Variants in DLG4 observed in about 807,000 individuals in gnomAD.
DLG4 encodes the protein discs large MAGUK scaffold protein 4.
Under a neutral mutation model 93.8 loss-of-function variants are expected in DLG4, and 7 were observed. The observed-to-expected ratio is 0.07, with a 90% CI of 0.04 to 0.14. The LOEUF (loss-of-function observed/expected upper bound fraction) is 0.14, where lower values mean the gene tolerates loss of function less well. Ranked by LOEUF, DLG4 falls within the 10% of genes least tolerant of loss-of-function variation. DLG4 has a pLI of 1.00. For synonymous variants in DLG4, 341 were observed against 387.6 expected (o/e 0.88, Z 1.41); for missense variants, 545 against 992.9 (o/e 0.55, Z 6.06).
At chr17:7,218,288 C>T (rs2142949429), upstream of DLG4, 1 of 1,608,116 alleles carries the variant, frequency 6.2e-7, no homozygotes, top group Non-Finnish European at 8.5e-7. Flanking sequence ...ATGTCTGTCA[C>T]AGGAACAGAA....
At chr17:7,216,643 A>AC (rs1567554495) in intron 1 of DLG4, among the ~76,000 whole-genome samples, 1 of 151,422 alleles carries the variant, frequency 6.6e-6, no homozygotes, top group South Asian at 2.1e-4. Context: ...GCCAGCTGAC[A>AC]CCCCCAGATC....
chr17:7,212,393 C>T (rs1428876517), intron 1 of DLG4, among the ~76,000 whole-genome samples: 1 of 152,212 alleles, frequency 6.6e-6, no homozygotes, highest in African/African-American at 2.4e-5. Context: ...TTCTATATCA[C>T]ATCTATCTCC....
Position 7,203,097 on chromosome 17 carries a change from C to T in DLG4, c.643-50G>A. ...AGACAAAGCCACAAATGGCCCAAGA[C>T]AGAAGCACTGGGGTGAAGTGATGAA... On this transcript the variant is annotated intron_variant, in intron 7 of 19. Coordinates refer to ENST00000399506, the MANE Select transcript of DLG4 (RefSeq NM_001321075.3). The surrounding 1 kb of genome is among the most constrained non-coding windows in gnomAD (Gnocchi z 7.2). 2 of 1,581,448 alleles carry T rather than the reference C, an allele frequency of 1.3e-6. No individual in the cohort carries two copies. Among genetic ancestry groups the T allele is most frequent in the Non-Finnish European group, 1.7e-6 (2 of 1,157,004 alleles).
chr17:7,212,329 A>C (rs956913267), intron 1 of DLG4, among the ~76,000 whole-genome samples: 1 of 152,254 alleles, frequency 6.6e-6, no homozygotes, highest in Non-Finnish European at 1.5e-5. Flanking sequence ...CAAGAGTTTA[A>C]GGAACCACAG....
intron 2 of DLG4, among the ~76,000 whole-genome samples, chr17:7,206,447 A>G (rs1379958022): frequency 6.7e-6 from 1 of 149,168 alleles, no homozygotes; most frequent in Admixed American, 6.7e-5. Context: ...GGCCTCCAAC[A>G]CTCTCTCCCT....
At position 7,191,799 on chromosome 17, in the gene DLG4, G is replaced by T; in HGVS notation, c.1976+94C>A. On this transcript the variant is annotated intron_variant, in intron 18 of 19. Coordinates refer to ENST00000399506, the MANE Select transcript of DLG4 (RefSeq NM_001321075.3). This position sits in a 1 kb window ranked among gnomAD's most constrained non-coding sequence, Gnocchi z 6.6. The stretch of plus-strand genomic sequence containing the variant: ...AGGGGCTGCTGAAACCGCTGTCCAG[G>T]GTTCTGAAGGGAGAGTTGAACGCAG... 1.1e-6 allele frequency: 1 copy of T among 900,176 alleles called. No individual in the cohort carries two copies. The highest frequency in any genetic ancestry group is 1.7e-6 in the Non-Finnish European group (1 of 604,644). The allele number at this position is 900,176 out of a possible 1,614,324, so 55.8% of individuals were successfully genotyped here.
At chr17:7,219,593 A>C, upstream of DLG4, 1 of 1,156,942 alleles carries the variant, frequency 8.6e-7, no homozygotes, top group Non-Finnish European at 1.1e-6. Flanking sequence ...CATCTACCTT[A>C]CACTTCTCTT....
At chr17:7,202,150 T>C (rs1174428103) in intron 8 of DLG4, among the ~76,000 whole-genome samples, 1 of 152,220 alleles carries the variant, frequency 6.6e-6, no homozygotes, top group East Asian at 1.9e-4. Flanking sequence ...ATCATTGGCT[T>C]ACTGCAGCTT....
chr17:7,214,475 G>T (rs1239828537), intron 1 of DLG4, among the ~76,000 whole-genome samples: 2 of 151,894 alleles, frequency 1.3e-5, no homozygotes, highest in African/African-American at 4.8e-5. Context: ...CGCCCACACT[G>T]TCCCTCCGCC....
rs903474904 is a variant in DLG4, at chr17:7,217,101, C to T, written c.30+17G>A. 2.3e-6 allele frequency: 3 copies of T among 1,286,544 alleles called. No individual in the cohort carries two copies. Among genetic ancestry groups the T allele is most frequent in the Non-Finnish European group, 9.9e-7 (1 of 1,015,008 alleles). The allele number at this position is 1,286,544 out of a possible 1,614,324, so 79.7% of individuals were successfully genotyped here. A position where few individuals can be genotyped will look rare whatever the true frequency, so the allele number is the denominator to read the frequency against. ...TCATACCCTCCCCCCAGTTTATAGCCCCCCCATCATGCTTACCTTGGTTGT... is the reference window on the plus strand; with the variant it reads ...TCATACCCTCCCCCCAGTTTATAGCTCCCCCATCATGCTTACCTTGGTTGT... On this transcript the variant is annotated intron_variant, in intron 1 of 19. Transcript: ENST00000399506.
chr17:7,218,277 G>A (rs768526024), upstream of DLG4: 2 of 1,609,062 alleles, frequency 1.2e-6, no homozygotes, highest in Non-Finnish European at 8.5e-7. Flanking sequence ...AATAGTCCAG[G>A]ATGTCTGTCA....
Position 7,193,712 on chromosome 17 carries a change from G to C in DLG4, c.1546C>G (p.Arg516Gly), listed in dbSNP as rs778104648. 3 of 1,582,336 alleles carry C rather than the reference G, an allele frequency of 1.9e-6. No individual in the cohort carries two copies. The highest frequency in any genetic ancestry group is 3.5e-5 in the Admixed American group (2 of 56,514). The change falls in exon 15 of 20, where the codon CGA (arginine) becomes GGA (glycine). Residue 516 changes from arginine to glycine, a missense_variant and splice_region_variant. This residue lies in a region of DLG4 where 428 missense variants were observed against 741.4 expected (regional missense o/e 0.58). Transcript: ENST00000399506. This position sits in a 1 kb window ranked among gnomAD's most constrained non-coding sequence, Gnocchi z 6.7. ...TCGTAGCTCAGAACCGAGTCTTCTC[G>C]ACCTGGTGGGAGGTGGGGCATCTGC... Reference protein sequence around the residue: ...DWGSSSGSQGREDSVLSYETV... With the variant: ...DWGSSSGSQGGEDSVLSYETV...
rs2070959329 is a variant in DLG4 at position 7,217,215 on chromosome 17, C to T, written c.-68G>A. The stretch of plus-strand genomic sequence containing the variant: ...TCATCGGAGTTTCGTTCCTCCCCTC[C>T]GTGGGTTCTCACCCCTCCCCCCTCC... On this transcript the variant is annotated 5_prime_UTR_variant, in exon 1 of 20. Coordinates refer to ENST00000399506, the MANE Select transcript of DLG4 (RefSeq NM_001321075.3). 4.0e-6 allele frequency: 5 copies of T among 1,257,830 alleles called. No individual in the cohort carries two copies. The highest frequency in any genetic ancestry group is 3.1e-5 in the African/African-American group (2 of 64,082). The allele number at this position is 1,257,830 out of a possible 1,614,324, so 77.9% of individuals were successfully genotyped here.
chr17:7,210,406 T>C (rs2070661705), intron 1 of DLG4, among the ~76,000 whole-genome samples: 1 of 152,216 alleles, frequency 6.6e-6, no homozygotes, highest in African/African-American at 2.4e-5. Context: ...GTCTATTCTC[T>C]GGGCCACAGA....
intron 8 of DLG4, among the ~76,000 whole-genome samples, chr17:7,200,856 G>GTTTTT (rs1243920377): frequency 1.1e-4 from 10 of 94,658 alleles, no homozygotes; most frequent in Non-Finnish European, 1.5e-4. Flanking sequence ...GCCTGTTTTG[G>GTTTTT]TTTTTTTTTT....
chr17:7,202,006 T>C (rs936368095), intron 8 of DLG4, among the ~76,000 whole-genome samples: 4 of 152,250 alleles, frequency 2.6e-5, no homozygotes, highest in African/African-American at 9.6e-5. Context: ...AAAATTTCTG[T>C]GTTCCTAGTT....
At chr17:7,213,521 C>T (rs988968036) in intron 1 of DLG4, among the ~76,000 whole-genome samples, 2 of 152,106 alleles carry the variant, frequency 1.3e-5, no homozygotes, top group South Asian at 2.1e-4. Flanking sequence ...AATATATCTT[C>T]TCCACACTCA....
intron 8 of DLG4, among the ~76,000 whole-genome samples, chr17:7,200,672 G>T (rs2070073272): frequency 6.6e-6 from 1 of 151,694 alleles, no homozygotes; most frequent in African/African-American, 2.4e-5. Flanking sequence ...TCAGCCTCCT[G>T]AGTAGCTGGG....
intron 1 of DLG4, among the ~76,000 whole-genome samples, chr17:7,210,113 A>C (rs2070651177): frequency 1.3e-5 from 2 of 152,172 alleles, no homozygotes; most frequent in African/African-American, 4.8e-5. Context: ...GTGCCCTAAT[A>C]CTTAGAGGGC....
Sources: allele counts gnomAD v4.1 joint callset (sites outside exome capture counted in the v4.1 genomes callset), GRCh38; gene constraint gnomAD v4.1.1; regional missense constraint gnomAD v4.1.1; non-coding constraint Gnocchi (gnomAD v3.1); transcripts MANE v1.5; gene names NCBI Gene and HGNC (gene_info 2026-07-23, HGNC 2026-07-21).